ATXN2L: variants seen among roughly 807,000 people sequenced by gnomAD.
The protein encoded by ATXN2L is ataxin 2 like.
In ATXN2L, 24 loss-of-function variants were observed where a neutral mutation model predicts 120.7. The ratio of observed to expected loss-of-function variants is 0.20; its 90% confidence interval spans 0.14 to 0.28. The LOEUF (loss-of-function observed/expected upper bound fraction) is 0.28. Ranked by LOEUF, ATXN2L falls within the 10% of genes least tolerant of loss-of-function variation. The pLI, the probability that ATXN2L is intolerant of heterozygous loss-of-function variation, is 1.00. For missense variants in ATXN2L, 1,312 were observed against 1,432.3 expected, an observed-to-expected ratio of 0.92 and a Z score of 1.36; for synonymous variants, 653 against 568.1, an observed-to-expected ratio of 1.15 and a Z score of -2.13.
chr16:28,835,786 G>T, intron 21 of ATXN2L, 28 bp downstream of exon 21: 6 of 1,613,380 alleles, frequency 3.7e-6, no homozygotes, highest in Non-Finnish European at 5.1e-6. Context: ...CCACTTCTGG[G>T]TCTGTTTGCC....
intron 15 of ATXN2L, 129 bp downstream of exon 15, chr16:28,833,637 C>T: frequency 2.0e-6 from 2 of 999,464 alleles, no homozygotes; most frequent in Non-Finnish European, 3.0e-6. Context: ...GAGGAGATGT[C>T]ATAAAAATGT....
In ATXN2L at chr16:28,823,498, A is replaced by AGCCGCC. The variant is rs779020531; in HGVS notation, c.248_253dup (p.Pro83_Pro84dup). The AGCCGCC allele has an allele frequency of 2.2e-6, 3 of 1,381,944 alleles. No homozygotes were observed. Among genetic ancestry groups the AGCCGCC allele is most frequent in the Admixed American group, 3.3e-5 (1 of 30,548 alleles). The allele number at this position is 1,381,944 out of a possible 1,614,324, so 85.6% of individuals were successfully genotyped here. A position where few individuals can be genotyped will look rare whatever the true frequency, so the allele number is the denominator to read the frequency against. ...GGAGCCGAAGGCATCTTGGCGCCGC[A>AGCCGCC]GCCGCCGCCGCCGCAGCAACACCAG... On this transcript the variant is annotated inframe_insertion, in exon 1 of 22. Transcript: ENST00000336783.
chr16:28,826,517 T>TAA, intron 5 of ATXN2L, 127 bp downstream of exon 5: 14 of 1,139,636 alleles, frequency 1.2e-5, no homozygotes, highest in Non-Finnish European at 1.6e-5. Flanking sequence ...TGTTTTGCTT[T>TAA]AATGCCTTTT....
At chr16:28,824,040 C>T (rs564698895) in intron 1 of ATXN2L, 12 of 953,832 alleles carry the variant, frequency 1.3e-5, no homozygotes, top group African/African-American at 7.1e-5. Flanking sequence ...GCTGCCTCCC[C>T]CTTCCCGGTC....
chr16:28,829,833 T>C, intron 7 of ATXN2L, 25 bp from the exon 8 acceptor site: 1 of 1,612,186 alleles, frequency 6.2e-7, no homozygotes, highest in Non-Finnish European at 8.5e-7. Context: ...ACTGGGATGG[T>C]GGTGGTCTGT....
chr16:28,835,385 C>G lies in ATXN2L; in HGVS notation c.2671C>G (p.Pro891Ala), dbSNP rs965736612. 1 of 1,612,814 alleles carries G rather than the reference C, an allele frequency of 6.2e-7. No individual in the cohort carries two copies. Among genetic ancestry groups the G allele is most frequent in the Admixed American group, 1.7e-5 (1 of 59,982 alleles). The change falls in exon 20 of 22, where the codon CCC becomes GCC. Residue 891 changes from proline to alanine, a missense_variant. Physicochemically the swap from Pro to Ala is conservative, Grantham distance 27. Coordinates refer to ENST00000336783, the MANE Select transcript of ATXN2L (RefSeq NM_007245.4). The stretch of plus-strand genomic sequence containing the variant: ...CCAGCCGCAGTCCCAGCATGCGGCC[C>G]CCAGTCCTGTCCAGGTGCCTGCCAT... ...GSQPQSQHAAPSPVQHQAGQA... is the reference protein window; with the variant it reads ...GSQPQSQHAAASPVQHQAGQA...
At chr16:28,826,200 T>C (rs1251367155) in intron 4 of ATXN2L, 40 bp from the exon 5 acceptor site, 7 of 1,605,854 alleles carry the variant, frequency 4.4e-6, no homozygotes, top group Middle Eastern at 1.7e-4. Flanking sequence ...TCACTTTTCT[T>C]GAAACTGACC....
rs772154566 is a variant in ATXN2L, at chr16:28,833,110, A to C, written c.1711A>C (p.Ile571Leu). 3.1e-6 allele frequency: 5 copies of C among 1,614,150 alleles called. No homozygotes were observed. Among genetic ancestry groups the C allele is most frequent in the East Asian group, 2.2e-5 (1 of 44,876 alleles). The change falls in exon 14 of 22, where the codon ATC becomes CTC. Residue 571 changes from isoleucine (I) to leucine (L), a missense_variant. Transcript: ENST00000336783. Reference sequence around the variant, plus strand: ...CAGCCTGGATCCTTTTCCTCCCCGGATCTTAAAGGAGGAGCCCAAAGGAAA... The same window carrying C: ...CAGCCTGGATCCTTTTCCTCCCCGGCTCTTAAAGGAGGAGCCCAAAGGAAA... The part of the protein sequence containing the change: ...ENSLDPFPPR[I>L]LKEEPKGKEK...
intron 6 of ATXN2L, among the ~76,000 whole-genome samples, chr16:28,827,528 T>G (rs1002794381): frequency 3.9e-5 from 6 of 152,098 alleles, no homozygotes; most frequent in African/African-American, 1.4e-4. Flanking sequence ...AAGTATAGAT[T>G]AATGTGTAGG....
At chr16:28,826,734 C>A in intron 5 of ATXN2L, 128 bp from the exon 6 acceptor site, 2 of 1,173,398 alleles carry the variant, frequency 1.7e-6, no homozygotes, top group Non-Finnish European at 2.3e-6. Flanking sequence ...TCCTAACACA[C>A]GGGCACACGT....
rs1350972544 is a variant in ATXN2L at position 28,824,377 on chromosome 16, C to G, written c.299+819C>G. On this transcript the variant is annotated intron_variant, in intron 1 of 21. Transcript: ENST00000336783. ...CTGGAGGTGGGGGTTCGGAAAGTCC[C>G]GTGGGTTTTAGTGCGCAGGCGCAGA... is the stretch of plus-strand genomic sequence containing the variant. 6 of 1,247,256 alleles carry G rather than the reference C, an allele frequency of 4.8e-6. No individual in the cohort carries two copies. The Admixed American group carries it at 7.8e-5, about 16-fold the overall frequency. 77.3% of individuals were successfully genotyped at this position (1,247,256 alleles called of 1,614,324 possible).
chr16:28,832,683 A>C, intron 12 of ATXN2L, 116 bp downstream of exon 12: 1 of 1,413,778 alleles, frequency 7.1e-7, no homozygotes, highest in Admixed American at 1.9e-5. Flanking sequence ...TCCTTGGATT[A>C]TAATTTCACT....
intron 1 of ATXN2L, chr16:28,824,062 A>G: frequency 2.0e-6 from 2 of 988,502 alleles, no homozygotes; most frequent in Non-Finnish European, 2.4e-6. Context: ...GGCCAGTAGG[A>G]GGGGAGCGAG....
chr16:28,832,092 T>C (rs552891964), intron 10 of ATXN2L, 113 bp from the exon 11 acceptor site: 2 of 1,149,256 alleles, frequency 1.7e-6, no homozygotes, highest in South Asian at 3.0e-5. Flanking sequence ...GACATTTAAG[T>C]TGGTGACTCT....
At position 28,836,376 on chromosome 16, in the gene ATXN2L, G is replaced by A; in HGVS notation, c.*111G>A. ...TCGCCGCCGCCAGGGGCTTGCTCCT[G>A]GCTCTGTCCTTTGCTTCCCTCCGTC... On this transcript the variant is annotated 3_prime_UTR_variant, in exon 22 of 22. Transcript: ENST00000336783. 1 of 1,613,512 alleles carries A rather than the reference G, an allele frequency of 6.2e-7. No individual in the cohort carries two copies. The highest frequency in any genetic ancestry group is 8.5e-7 in the Non-Finnish European group (1 of 1,179,920).
rs1363040251 is a variant in ATXN2L at position 28,836,262 on chromosome 16, G to A, written c.3225G>A (p.Glu1075=). ...VGQDARVLGG[E] ...AGGATGCACGGGTTCTGGGTGGGGA[G>A]TGAGGGGTCTTGGAGGCAGGGCTGT... Residue 1075 remains glutamate, a synonymous_variant, in exon 22 of 22, where the codon GAG becomes GAA. Transcript: ENST00000336783. 2 of 1,611,642 alleles carry A rather than the reference G, an allele frequency of 1.2e-6. No homozygotes were observed.
At chr16:28,823,700 C>G in intron 1 of ATXN2L, 142 bp downstream of exon 1, 1 of 841,860 alleles carries the variant, frequency 1.2e-6, no homozygotes, top group Non-Finnish European at 1.6e-6. Flanking sequence ...AGGGCCCCCT[C>G]AGGTCCGAAC....
chr16:28,826,152 C>A, intron 4 of ATXN2L, 88 bp from the exon 5 acceptor site: 2 of 1,509,882 alleles, frequency 1.3e-6, no homozygotes, highest in East Asian at 2.3e-5. Flanking sequence ...AAGAGAAATC[C>A]AGTTCTATTT....
At chr16:28,824,750 C>T (rs1454388232) in intron 1 of ATXN2L, 8 of 307,306 alleles carry the variant, frequency 2.6e-5, no homozygotes, top group Non-Finnish European at 4.5e-5. Context: ...AATACTGTAG[C>T]ATTGATCTGT....
Sources: gnomAD v4.1 joint callset for allele counts (sites outside exome capture counted in the v4.1 genomes callset) on GRCh38, gnomAD v4.1.1 for gene constraint, MANE v1.5 for transcripts, NCBI Gene and HGNC (gene_info 2026-07-23, HGNC 2026-07-21) for gene names.